The following PTPRD variants were observed in gnomAD, a reference collection of about 807,000 sequenced individuals.
PTPRD encodes the protein protein tyrosine phosphatase receptor type D, also known as receptor-type tyrosine-protein phosphatase delta.
A neutral mutation model predicts 214.5 loss-of-function variants in PTPRD; 34 were observed. The observed-to-expected ratio is 0.16, with a 90% CI of 0.12 to 0.21. The LOEUF is 0.21. Ranked by LOEUF, PTPRD falls within the 10% of genes least tolerant of loss-of-function variation. PTPRD has a pLI of 1.00. For missense variants in PTPRD, 2,545 were observed against 2,398.7 expected (o/e 1.06, Z -1.27); for synonymous variants, 1,128 against 845.7 (o/e 1.33, Z -5.79).
At chr9:9,124,877 T>C (rs929880946) in intron 10 of PTPRD, among the ~76,000 whole-genome samples, 1 of 152,196 alleles carries the variant, frequency 6.6e-6, no homozygotes, top group African/African-American at 2.4e-5. Flanking sequence ...TGCCAACCAC[T>C]GGACATACTT....
At chr9:9,922,547 A>G (rs1473622690) in intron 5 of PTPRD, among the ~76,000 whole-genome samples, 1 of 152,096 alleles carries the variant, frequency 6.6e-6, no homozygotes, top group Non-Finnish European at 1.5e-5. Context: ...GTAACAACTA[A>G]AAAGGACTGA....
chr9:9,135,965 G>A lies in PTPRD; in HGVS notation c.-143+47339C>T, dbSNP rs141437751. Among the ~76,000 whole-genome samples the A allele has an allele frequency of 6.1e-3, 917 of 151,346 alleles. 10 individuals carry two copies. Among genetic ancestry groups the A allele is most frequent in the African/African-American group, 0.021 (878 of 40,876 alleles). Reference sequence around the variant, plus strand: ...TGACAATAAAACGTTATTTTTTCATGTGAAATCATCTTATAAATTATATAC... The same window carrying A: ...TGACAATAAAACGTTATTTTTTCATATGAAATCATCTTATAAATTATATAC... On this transcript the variant is annotated intron_variant, in intron 10 of 45. Coordinates refer to ENST00000381196, the MANE Select transcript of PTPRD (RefSeq NM_002839.4).
chr9:10,410,285 A>ACACAAT (rs149864190), intron 2 of PTPRD, among the ~76,000 whole-genome samples: 15 of 141,350 alleles, frequency 1.1e-4, no homozygotes, highest in Non-Finnish European at 2.1e-4. Flanking sequence ...ACACACACAC[A>ACACAAT]ATATATAATA....
chr9:10,015,867 T>A (rs898175327), intron 4 of PTPRD, among the ~76,000 whole-genome samples: 14 of 151,796 alleles, frequency 9.2e-5, no homozygotes, highest in Non-Finnish European at 1.9e-4. Flanking sequence ...AAACATTTCA[T>A]TTCAGGATCA....
At chr9:8,553,498 T>C (rs1265277547) in intron 14 of PTPRD, among the ~76,000 whole-genome samples, 2 of 152,162 alleles carry the variant, frequency 1.3e-5, no homozygotes, top group East Asian at 3.9e-4. Flanking sequence ...CCTTTATTTA[T>C]CAGTCGTTTA....
intron 10 of PTPRD, among the ~76,000 whole-genome samples, chr9:9,107,540 T>A (rs190091264): frequency 9.8e-5 from 15 of 152,292 alleles, no homozygotes; most frequent in Admixed American, 3.3e-4. Flanking sequence ...TAGATCAGAT[T>A]GTGGCAGGAG....
chr9:8,386,131 C>T lies in PTPRD; in HGVS notation c.4386+3101G>A, dbSNP rs185957912. ...CAGTCAATACCCACAATAACCCTTC[C>T]GCATAATCCAAAAAAGGAAAAATGA... On this transcript the variant is annotated intron_variant, in intron 37 of 45. Transcript: ENST00000381196. Among the ~76,000 whole-genome samples, 130 of 152,256 alleles carry T rather than the reference C, an allele frequency of 8.5e-4. 6 individuals carry two copies. The South Asian group carries it at 0.024, about 28-fold the overall frequency.
chr9:9,963,145 T>G (rs2094471914), intron 4 of PTPRD, among the ~76,000 whole-genome samples: 1 of 152,134 alleles, frequency 6.6e-6, no homozygotes, highest in South Asian at 2.1e-4. Flanking sequence ...TAATGTCTTC[T>G]TCCATTTTAA....
chr9:10,406,851 A>G (rs1301285576), intron 2 of PTPRD, among the ~76,000 whole-genome samples: 1 of 151,618 alleles, frequency 6.6e-6, no homozygotes, highest in Admixed American at 6.6e-5. Context: ...TTTCAATCTC[A>G]CGATCTCACA....
chr9:8,535,720 T>C (rs1395605022), intron 14 of PTPRD, among the ~76,000 whole-genome samples: 1 of 151,932 alleles, frequency 6.6e-6, no homozygotes, highest in African/African-American at 2.4e-5. Context: ...AGTCAGAGTT[T>C]TGTTTTTTCA....
At chr9:8,959,891 T>A (rs1450169046) in intron 11 of PTPRD, among the ~76,000 whole-genome samples, 4 of 152,082 alleles carry the variant, frequency 2.6e-5, no homozygotes, top group Admixed American at 2.6e-4. Flanking sequence ...AGCTTGGGCA[T>A]GAAAATGTTA....
chr9:8,436,151 C>A (rs976703313), intron 35 of PTPRD, among the ~76,000 whole-genome samples: 2 of 152,060 alleles, frequency 1.3e-5, no homozygotes, highest in African/African-American at 4.8e-5. Flanking sequence ...CCAAAGAAGT[C>A]AAACTCATAG....
At chr9:10,290,294 A>G (rs905040319) in intron 3 of PTPRD, among the ~76,000 whole-genome samples, 1 of 152,038 alleles carries the variant, frequency 6.6e-6, no homozygotes, top group Non-Finnish European at 1.5e-5. Context: ...GCTGATTATT[A>G]TTTCCCAGAA....
chr9:10,360,506 A>G (rs537239909), intron 2 of PTPRD, among the ~76,000 whole-genome samples: 1 of 152,324 alleles, frequency 6.6e-6, no homozygotes, highest in South Asian at 2.1e-4. Flanking sequence ...TCCACTTTGC[A>G]AAGGCAAAGT....
chr9:8,713,024 C>A (rs1176889073), intron 12 of PTPRD, among the ~76,000 whole-genome samples: 2 of 152,170 alleles, frequency 1.3e-5, no homozygotes, highest in Non-Finnish European at 2.9e-5. Flanking sequence ...CAGCCTGATT[C>A]TTTAATATGT....
intron 14 of PTPRD, among the ~76,000 whole-genome samples, chr9:8,549,094 C>T (rs995904582): frequency 1.3e-5 from 2 of 152,022 alleles, no homozygotes; most frequent in African/African-American, 4.8e-5. Context: ...AGAGAAAGCC[C>T]AGTTAGGTAG....
In PTPRD at chr9:10,224,056, G is replaced by A. The variant is rs925045876; in HGVS notation, c.-545+116907C>T. Among the ~76,000 whole-genome samples, 5 of 151,766 alleles carry A rather than the reference G, an allele frequency of 3.3e-5. No individual in the cohort carries two copies. The East Asian group carries it at 9.7e-4, about 29-fold the overall frequency. On this transcript the variant is annotated intron_variant, in intron 3 of 45. Transcript: ENST00000381196. ...ATTCTAAAATAAAACAACAATAAGT[G>A]ACAAATCTTCATATAATATTAAGTC...
intron 7 of PTPRD, among the ~76,000 whole-genome samples, chr9:9,725,262 A>G (rs1596101489): frequency 6.6e-6 from 1 of 151,986 alleles, no homozygotes; most frequent in East Asian, 1.9e-4. Flanking sequence ...ATGATAGTGA[A>G]TAAGTCTCAT....
chr9:9,733,626 C>T (rs1453987225), intron 7 of PTPRD, among the ~76,000 whole-genome samples: 3 of 152,240 alleles, frequency 2.0e-5, no homozygotes, highest in South Asian at 4.2e-4. Context: ...TCCAGCAATA[C>T]CCAGTTATTA....
Sources: allele counts gnomAD v4.1 joint callset (sites outside exome capture counted in the v4.1 genomes callset), GRCh38; gene constraint gnomAD v4.1.1; transcripts MANE v1.5; gene names NCBI Gene and HGNC (gene_info 2026-07-23, HGNC 2026-07-21).